The following GRM4 variants were observed in gnomAD, a reference collection of about 807,000 sequenced individuals.
GRM4 encodes metabotropic glutamate receptor 4.
GRM4 carries 28 observed loss-of-function variants against 81.7 expected under a neutral mutation model. The ratio of observed to expected loss-of-function variants is 0.34; its 90% CI spans 0.25 to 0.47. The LOEUF is 0.47. Among genes scored for constraint, GRM4 ranks in the 20% least tolerant of loss-of-function variants. The pLI is 1.00. For missense variants in GRM4, 948 were observed against 1,290.0 expected, an observed-to-expected ratio of 0.73 and a Z score of 4.06; for synonymous variants, 488 against 528.8, an observed-to-expected ratio of 0.92 and a Z score of 1.06.
chr6:34,138,998 CTT>C (rs1770573970), intron 1 of GRM4, among the ~76,000 whole-genome samples: 1 of 152,226 alleles, frequency 6.6e-6, no homozygotes, highest in Non-Finnish European at 1.5e-5. Context: ...ATCTTGGAAC[CTT>C]CAACCCACCC....
rs1012568691 is a variant in GRM4 at position 34,080,758 on chromosome 6, C to T, written c.736+11125G>A. 6.6e-6 allele frequency among the ~76,000 whole-genome samples: 1 copy of T among 152,008 alleles called. No individual in the cohort carries two copies. The highest frequency in any genetic ancestry group is 1.5e-5 in the Non-Finnish European group (1 of 68,006). ...CTTTCAGAAAGGGGCCGTCACAGCT[C>T]ATACTTGGTCACGCAGGAGTCACAC... is the stretch of plus-strand genomic sequence containing the variant. On this transcript the variant is annotated intron_variant, in intron 3 of 10. Coordinates refer to ENST00000538487, the MANE Select transcript of GRM4 (RefSeq NM_000841.4). This position sits in a 1 kb window ranked among gnomAD's most constrained non-coding sequence, Gnocchi z 5.4.
Position 34,059,405 on chromosome 6 carries a change from T to TTTTTTAATGATACG in GRM4, c.873-278_873-277insCGTATCATTAAAAA. 1.4e-5 allele frequency: 7 copies of TTTTTTAATGATACG among 487,498 alleles called. No individual in the cohort carries two copies. The highest frequency in any genetic ancestry group is 6.7e-5 in the South Asian group (3 of 44,540). The allele number at this position is 487,498 out of a possible 1,614,324, so 30.2% of individuals were successfully genotyped here. A position where few individuals can be genotyped will look rare whatever the true frequency, so the allele number is the denominator to read the frequency against. On this transcript the variant is annotated intron_variant, in intron 4 of 10. Coordinates refer to ENST00000538487, the MANE Select transcript of GRM4 (RefSeq NM_000841.4). This position sits in a 1 kb window ranked among gnomAD's most constrained non-coding sequence, Gnocchi z 5.7. ...GATTCTCCAGGCCTACATCTGTCCC[T>TTTTTTAATGATACG]GCAAAGACCACACCTCTCCCCTCCA...
rs371316581 is a variant in GRM4 at position 34,112,640 on chromosome 6, C to A, written c.519+20338G>T. Among the ~76,000 whole-genome samples, 12 of 152,238 alleles carry A rather than the reference C, an allele frequency of 7.9e-5. No individual in the cohort carries two copies. The East Asian group carries it at 2.1e-3, about 27-fold the overall frequency. ...CCATGGCAGGTTCCAGCTGGAAACC[C>A]TATCCTGGCCCCAACTTCTTGGTGG... On this transcript the variant is annotated intron_variant, in intron 2 of 10. Coordinates refer to ENST00000538487, the MANE Select transcript of GRM4 (RefSeq NM_000841.4).
intron 4 of GRM4, chr6:34,061,688 G>A (rs971204066): frequency 4.1e-6 from 2 of 491,816 alleles, no homozygotes; most frequent in African/African-American, 1.9e-5. Flanking sequence ...GAAATGGAGA[G>A]GGGAGGGAAG....
At chr6:34,145,438 T>G (rs1244279702) in intron 1 of GRM4, among the ~76,000 whole-genome samples, 3 of 152,108 alleles carry the variant, frequency 2.0e-5, no homozygotes, top group East Asian at 3.9e-4. Flanking sequence ...CAAGAGGAGC[T>G]GGGTCTGGCC....
intron 3 of GRM4, chr6:34,062,320 G>A (rs1220570290): frequency 3.0e-6 from 1 of 328,304 alleles, no homozygotes; most frequent in Non-Finnish European, 5.6e-6. Context: ...TTAGGAGCTA[G>A]ACTGCCTGGG....
rs1468686599 is a variant in GRM4 at position 34,028,882 on chromosome 6, G to A, written c.2443-516C>T. Among the ~76,000 whole-genome samples the A allele has an allele frequency of 6.6e-5, 10 of 152,144 alleles. No individual in the cohort carries two copies. The East Asian group carries it at 1.9e-3, about 29-fold the overall frequency. On this transcript the variant is annotated intron_variant, in intron 9 of 10. Coordinates refer to ENST00000538487, the MANE Select transcript of GRM4 (RefSeq NM_000841.4). ...CCCTCGGATCAGACCTCCATTCAATGACTGCCCCCGCAACGGTCCCCCAGT... is the reference window on the plus strand; with the variant it reads ...CCCTCGGATCAGACCTCCATTCAATAACTGCCCCCGCAACGGTCCCCCAGT...
At chr6:34,024,422 C>G in intron 10 of GRM4, 1 of 277,880 alleles carries the variant, frequency 3.6e-6, no homozygotes, top group Non-Finnish European at 7.3e-6. Context: ...TCCCACCCAC[C>G]CACCATGTCC....
intron 2 of GRM4, 50 bp downstream of exon 2, chr6:34,132,928 C>A: frequency 1.3e-6 from 2 of 1,481,708 alleles, no homozygotes; most frequent in South Asian, 2.6e-5. Flanking sequence ...GTGGGGCGGG[C>A]AGAGTCCGTT....
In GRM4 at chr6:34,092,034, G is replaced by T; in HGVS notation, c.585C>A (p.Phe195Leu). The change falls in exon 3 of 11, where the codon TTC becomes TTA. Residue 195 changes from phenylalanine to leucine, a missense_variant. Coordinates refer to ENST00000538487, the MANE Select transcript of GRM4 (RefSeq NM_000841.4). The surrounding 1 kb of genome is among the most constrained non-coding windows in gnomAD (Gnocchi z 6.8). ...DLSDNSRYDF[F>L]SRVVPSDTYQ... ...ACGTGTCCGAGGGCACCACGCGGGAGAAGAAGTCGTAGCGGCTGTTGTCAC... is the reference window on the plus strand; with the variant it reads ...ACGTGTCCGAGGGCACCACGCGGGATAAGAAGTCGTAGCGGCTGTTGTCAC... 1 of 1,614,040 alleles carries T rather than the reference G, an allele frequency of 6.2e-7. No individual in the cohort carries two copies. Among genetic ancestry groups the T allele is most frequent in the Non-Finnish European group, 8.5e-7 (1 of 1,179,886 alleles).
rs1768093385 is a variant in GRM4, at chr6:34,089,600, G to T, written c.736+2283C>A. 6.6e-6 allele frequency among the ~76,000 whole-genome samples: 1 copy of T among 152,102 alleles called. No individual in the cohort carries two copies. Among genetic ancestry groups the T allele is most frequent in the Non-Finnish European group, 1.5e-5 (1 of 68,032 alleles). ...TGGTGCATGGGGTGTGGCAGGTATT[G>T]TGAGGGGCGCCTCTGCCAGGACAGG... On this transcript the variant is annotated intron_variant, in intron 3 of 10. Coordinates refer to ENST00000538487, the MANE Select transcript of GRM4 (RefSeq NM_000841.4). The surrounding 1 kb of genome is among the most constrained non-coding windows in gnomAD (Gnocchi z 4.3).
chr6:34,149,919 T>C (rs768229930), upstream of GRM4, among the ~76,000 whole-genome samples: 21 of 152,324 alleles, frequency 1.4e-4, no homozygotes, highest in Admixed American at 3.9e-4. Context: ...TCAAAGCTAT[T>C]CCCTGCCCCT....
At chr6:34,053,484 C>T (rs1581623179) in intron 6 of GRM4, among the ~76,000 whole-genome samples, 1 of 152,230 alleles carries the variant, frequency 6.6e-6, no homozygotes, top group East Asian at 1.9e-4. Flanking sequence ...AGCGCCTGGC[C>T]TGGGGCCACA....
At chr6:34,056,441 G>GA in intron 6 of GRM4, 103 bp downstream of exon 6, 1 of 1,095,836 alleles carries the variant, frequency 9.1e-7, no homozygotes, top group Admixed American at 2.3e-5. Flanking sequence ...GCCACGGCCG[G>GA]CCGACGACAG....
chr6:34,054,755 CCCATCCCCACCTCAT>C (rs1765787660), intron 6 of GRM4: 1 of 152,314 alleles, frequency 6.6e-6, no homozygotes, highest in East Asian at 1.9e-4. Flanking sequence ...GTCTTTCCAC[CCCATCCCCACCTCAT>C]CCATCCCCAC....
At chr6:34,119,516 G>A (rs1008797374) in intron 2 of GRM4, among the ~76,000 whole-genome samples, 1 of 152,174 alleles carries the variant, frequency 6.6e-6, no homozygotes, top group African/African-American at 2.4e-5. Context: ...GTGTCACAGG[G>A]CACCACGGCA....
intron 3 of GRM4, among the ~76,000 whole-genome samples, chr6:34,077,330 G>A (rs1304999637): frequency 6.6e-6 from 1 of 152,036 alleles, no homozygotes; most frequent in Non-Finnish European, 1.5e-5. Flanking sequence ...GGCTGGCTCT[G>A]GAGCCCCAGA....
chr6:34,147,972 G>C (rs1322515563), upstream of GRM4, among the ~76,000 whole-genome samples: 2 of 152,076 alleles, frequency 1.3e-5, no homozygotes, highest in Non-Finnish European at 2.9e-5. Flanking sequence ...GGTTTATTGA[G>C]AGATAAAACA....
chr6:34,124,357 C>A (rs1347217768), intron 2 of GRM4, among the ~76,000 whole-genome samples: 4 of 152,192 alleles, frequency 2.6e-5, no homozygotes, highest in Non-Finnish European at 5.9e-5. Flanking sequence ...GCCCCCCCAC[C>A]AACCCTGCCT....
Sources: gnomAD v4.1 joint callset for allele counts (sites outside exome capture counted in the v4.1 genomes callset) on GRCh38, gnomAD v4.1.1 for gene constraint, Gnocchi (gnomAD v3.1) non-coding constraint, MANE v1.5 for transcripts, NCBI Gene and HGNC (gene_info 2026-07-23, HGNC 2026-07-21) for gene names.